Variants in FAT3 observed in about 807,000 individuals in gnomAD.
FAT3 encodes the protein FAT atypical cadherin 3, also known as protocadherin Fat 3.
Under a neutral mutation model 310.2 loss-of-function variants are expected in FAT3, and 95 were observed. The observed-to-expected ratio is 0.31, with a 90% CI of 0.26 to 0.36. FAT3 has a LOEUF of 0.36. Ranked by LOEUF, FAT3 falls within the 10% of genes least tolerant of loss-of-function variation. The pLI, the probability that FAT3 is intolerant of heterozygous loss-of-function variation, is 1.00. For synonymous variants in FAT3, 2,314 were observed against 2,192.9 expected, an observed-to-expected ratio of 1.06 and a Z score of -1.54; for missense variants, 5,408 against 5,715.6, an observed-to-expected ratio of 0.95 and a Z score of 1.74.
intron 3 of FAT3, among the ~76,000 whole-genome samples, chr11:92,584,453 A>G (rs1357267860): frequency 2.0e-5 from 3 of 150,218 alleles, no homozygotes; most frequent in African/African-American, 7.5e-5. Context: ...CTGAAAGGTT[A>G]AAGAAAAATA....
intron 2 of FAT3, among the ~76,000 whole-genome samples, chr11:92,437,787 A>C (rs1013819601): frequency 6.6e-6 from 1 of 152,180 alleles, no homozygotes; most frequent in African/African-American, 2.4e-5. Context: ...CTCAAAAAGC[A>C]GTTGAAATTT....
At position 92,634,873 on chromosome 11, in the gene FAT3, C is replaced by A. The variant is rs184028833; in HGVS notation, c.3608-62511C>A. ...GGTTTAGTGAGGTCATAAAAATGGACCCCTGATCCAGTAGGATTAGTGTGT... is the reference window on the plus strand; with the variant it reads ...GGTTTAGTGAGGTCATAAAAATGGAACCCTGATCCAGTAGGATTAGTGTGT... On this transcript the variant is annotated intron_variant, in intron 3 of 27. Transcript: ENST00000525166. 5.3e-5 allele frequency among the ~76,000 whole-genome samples: 8 copies of A among 151,904 alleles called. No homozygotes were observed. In the East Asian group the frequency reaches 1.5e-3, roughly 29 times the overall value.
At chr11:92,241,351 A>G (rs1462121833) in intron 1 of FAT3, among the ~76,000 whole-genome samples, 2 of 152,098 alleles carry the variant, frequency 1.3e-5, no homozygotes, top group Non-Finnish European at 2.9e-5. Flanking sequence ...TGGAGTACTC[A>G]TATTTAAAAG....
At chr11:92,392,531 CT>C (rs986060513) in intron 2 of FAT3, among the ~76,000 whole-genome samples, 2 of 152,116 alleles carry the variant, frequency 1.3e-5, no homozygotes, top group Non-Finnish European at 2.9e-5. Context: ...CTCTCTACCC[CT>C]CCCCACAAAT....
chr11:92,741,039 A>T (rs1945492505), intron 4 of FAT3, among the ~76,000 whole-genome samples: 1 of 151,928 alleles, frequency 6.6e-6, no homozygotes, highest in Non-Finnish European at 1.5e-5. Flanking sequence ...GAACTCAGAA[A>T]GATATATATA....
chr11:92,724,968 C>A (rs1944959378), intron 4 of FAT3, among the ~76,000 whole-genome samples: 2 of 152,260 alleles, frequency 1.3e-5, no homozygotes, highest in East Asian at 3.9e-4. Flanking sequence ...GCTATAACTT[C>A]TCTCACAGCA....
At chr11:92,462,413 A>T (rs911520937) in intron 2 of FAT3, among the ~76,000 whole-genome samples, 1 of 152,144 alleles carries the variant, frequency 6.6e-6, no homozygotes, top group Non-Finnish European at 1.5e-5. Flanking sequence ...CTAAGTGAGA[A>T]CATGTGGTAT....
In FAT3 at chr11:92,478,934, C is replaced by CTCTTTCTTTCTTTCTTTCTTTCTTTCTT. The variant is rs199741658; in HGVS notation, c.3293-45679_3293-45678insCTTTCTTTCTTTCTTTCTTTCTTTCTTT. ...CCTGGCTGGCTTTCTTTCTTTCCTT[C>CTCTTTCTTTCTTTCTTTCTTTCTTTCTT]TCTTTCTTTCTTTCTTTCTTTTCTT... On this transcript the variant is annotated intron_variant, in intron 2 of 27. Coordinates refer to ENST00000525166, the MANE Select transcript of FAT3 (RefSeq NM_001367949.2). 4.2e-3 allele frequency among the ~76,000 whole-genome samples: 479 copies of CTCTTTCTTTCTTTCTTTCTTTCTTTCTT among 114,324 alleles called. 12 individuals carry two copies. Among genetic ancestry groups the CTCTTTCTTTCTTTCTTTCTTTCTTTCTT allele is most frequent in the Non-Finnish European group, 5.9e-3 (335 of 56,320 alleles). The allele number at this position is 114,324 out of a possible 152,430, so 75.0% of individuals were successfully genotyped here.
At chr11:92,633,032 G>T (rs1302764795) in intron 3 of FAT3, among the ~76,000 whole-genome samples, 4 of 152,160 alleles carry the variant, frequency 2.6e-5, no homozygotes, top group Non-Finnish European at 4.4e-5. Flanking sequence ...CAATCATGGT[G>T]TTATAATTTA....
intron 3 of FAT3, among the ~76,000 whole-genome samples, chr11:92,613,678 C>G (rs1356677303): frequency 6.6e-6 from 1 of 152,148 alleles, no homozygotes; most frequent in East Asian, 1.9e-4. Context: ...CCTAAGAGCT[C>G]TCCTCATCAC....
Position 92,455,693 on chromosome 11 carries a change from G to A in FAT3, c.3293-68941G>A, listed in dbSNP as rs115495125. On this transcript the variant is annotated intron_variant, in intron 2 of 27. Transcript: ENST00000525166. ...CAAACTCTTGAGCAAGATTCAACTT[G>A]ACCTGAATCCTAGCTCCACTCCTTA... Among the ~76,000 whole-genome samples the A allele has an allele frequency of 6.7e-3, 1,022 of 152,200 alleles. 12 individuals are homozygous for A. Among genetic ancestry groups the A allele is most frequent in the African/African-American group, 0.022 (924 of 41,540 alleles).
chr11:92,496,694 A>G (rs1184199342), intron 2 of FAT3, among the ~76,000 whole-genome samples: 1 of 151,926 alleles, frequency 6.6e-6, no homozygotes, highest in Non-Finnish European at 1.5e-5. Flanking sequence ...GACACTTACT[A>G]ATTCCTTGTT....
At chr11:92,253,995 C>T (rs535524257) in intron 1 of FAT3, among the ~76,000 whole-genome samples, 1 of 152,288 alleles carries the variant, frequency 6.6e-6, no homozygotes, top group South Asian at 2.1e-4. Flanking sequence ...AAAGAAATGG[C>T]ATCGTTTATT....
At chr11:92,534,280 G>A (rs191259816) in intron 3 of FAT3, among the ~76,000 whole-genome samples, 3 of 152,140 alleles carry the variant, frequency 2.0e-5, no homozygotes, top group South Asian at 2.1e-4. Context: ...CAGTCCTGGG[G>A]GGGGAGGGGA....
chr11:92,229,510 T>TTTTTTTTTTTTTTTC (rs1440088788), intron 1 of FAT3, among the ~76,000 whole-genome samples: 1 of 77,142 alleles, frequency 1.3e-5, no homozygotes, highest in African/African-American at 4.0e-5. Context: ...TTTTTTTGTT[T>TTTTTTTTTTTTTTTC]TTTGTTTTTT....
chr11:92,329,441 A>G (rs1947850446), intron 1 of FAT3, among the ~76,000 whole-genome samples: 1 of 152,028 alleles, frequency 6.6e-6, no homozygotes, highest in Admixed American at 6.6e-5. Context: ...AGTAAGTAGA[A>G]GCAGCCTGAG....
chr11:92,675,541 G>C (rs1425202559), intron 3 of FAT3, among the ~76,000 whole-genome samples: 1 of 152,204 alleles, frequency 6.6e-6, no homozygotes, highest in Non-Finnish European at 1.5e-5. Flanking sequence ...ATTGCCTGTA[G>C]ATGTAGCCTG....
chr11:92,516,216 G>T (rs1468395131), intron 2 of FAT3, among the ~76,000 whole-genome samples: 1 of 152,098 alleles, frequency 6.6e-6, no homozygotes, highest in Admixed American at 6.6e-5. Context: ...TATCCCTGAT[G>T]AACATCAATG....
At chr11:92,355,703 T>A (rs1336209298) in intron 2 of FAT3, among the ~76,000 whole-genome samples, 1 of 152,218 alleles carries the variant, frequency 6.6e-6, no homozygotes, top group African/African-American at 2.4e-5. Flanking sequence ...GTCACTTCTG[T>A]TGATTGTACT....
Sources: gnomAD v4.1 joint callset for allele counts (sites outside exome capture counted in the v4.1 genomes callset) on GRCh38, gnomAD v4.1.1 for gene constraint, MANE v1.5 for transcripts, NCBI Gene and HGNC (gene_info 2026-07-23, HGNC 2026-07-21) for gene names.